Variants in NPAS3 observed in about 807,000 individuals in gnomAD.
NPAS3 encodes the protein neuronal PAS domain-containing protein 3.
In NPAS3, 14 loss-of-function variants were observed where a neutral mutation model predicts 73.1. The ratio of observed to expected loss-of-function variants is 0.19; its 90% CI spans 0.13 to 0.30. NPAS3 has a LOEUF of 0.30. Ranked by LOEUF, NPAS3 falls within the 10% of genes least tolerant of loss-of-function variation. The pLI, the probability that NPAS3 is intolerant of heterozygous loss-of-function variation, is 1.00. For synonymous variants in NPAS3, 620 were observed against 541.5 expected, an observed-to-expected ratio of 1.14 and a Z score of -2.01; for missense variants, 1,096 against 1,250.0, an observed-to-expected ratio of 0.88 and a Z score of 1.86.
intron 5 of NPAS3, among the ~76,000 whole-genome samples, chr14:33,620,441 C>G (rs1330796126): frequency 6.6e-6 from 1 of 152,004 alleles, no homozygotes; most frequent in African/African-American, 2.4e-5. Flanking sequence ...AAGAAAAACT[C>G]TTTATTTGAA....
At chr14:33,736,449 G>A (rs186499816) in intron 7 of NPAS3, among the ~76,000 whole-genome samples, 268 of 152,288 alleles carry the variant, frequency 1.8e-3, no homozygotes, top group African/African-American at 6.2e-3. Context: ...GCGATGCAGA[G>A]GAGAGGCAAG....
intron 4 of NPAS3, among the ~76,000 whole-genome samples, chr14:33,367,613 A>C (rs1291832448): frequency 6.6e-6 from 1 of 150,870 alleles, no homozygotes; most frequent in South Asian, 2.1e-4. Flanking sequence ...GGAGCTATAT[A>C]TTGTTTTTGG....
chr14:33,251,245 T>C (rs2048573393), intron 3 of NPAS3, among the ~76,000 whole-genome samples: 2 of 152,192 alleles, frequency 1.3e-5, no homozygotes, highest in Non-Finnish European at 2.9e-5. Context: ...TCTTTTCTTA[T>C]ACAGAACTTC....
chr14:33,800,616 G>A lies in NPAS3; in HGVS notation c.2309G>A (p.Gly770Asp). The change falls in exon 12 of 12, where the codon GGC becomes GAC. Residue 770 changes from glycine to aspartate, a missense_variant. Coordinates refer to ENST00000356141, the Ensembl canonical transcript of NPAS3. The surrounding 1 kb of genome is among the most constrained non-coding windows in gnomAD (Gnocchi z 6.5). ...AACGGCGGCGGGGGCGGGGGCGGGG[G>A]CGGCGGCGCGGGGGGCGGCGGCCCC... is the stretch of plus-strand genomic sequence containing the variant. 7 of 1,347,106 alleles carry A rather than the reference G, an allele frequency of 5.2e-6. No homozygotes were observed. Among genetic ancestry groups the A allele is most frequent in the Non-Finnish European group, 6.6e-6 (7 of 1,057,170 alleles). 83.4% of individuals were successfully genotyped at this position (1,347,106 alleles called of 1,614,324 possible). A position where few individuals can be genotyped will look rare whatever the true frequency, so the allele number is the denominator to read the frequency against.
At chr14:33,789,863 A>G (rs1340843965) in intron 9 of NPAS3, among the ~76,000 whole-genome samples, 1 of 152,098 alleles carries the variant, frequency 6.6e-6, no homozygotes. Context: ...TGCTGGGATT[A>G]CAGGCGTGAG....
At chr14:33,749,038 G>A (rs1002584594) in intron 7 of NPAS3, among the ~76,000 whole-genome samples, 1 of 152,182 alleles carries the variant, frequency 6.6e-6, no homozygotes, top group Admixed American at 6.5e-5. Context: ...GAAGGATTTT[G>A]TAATTTTTAG....
chr14:33,778,118 A>C (rs1283842448), intron 8 of NPAS3, among the ~76,000 whole-genome samples: 1 of 152,198 alleles, frequency 6.6e-6, no homozygotes, highest in Non-Finnish European at 1.5e-5. Context: ...TTTATTATGT[A>C]ACCTTGAATT....
chr14:33,101,981 A>C (rs2042590459), intron 2 of NPAS3, among the ~76,000 whole-genome samples: 1 of 151,684 alleles, frequency 6.6e-6, no homozygotes, highest in African/African-American at 2.4e-5. Context: ...TTTCTCTCAT[A>C]CTCATGTTGC....
intron 3 of NPAS3, among the ~76,000 whole-genome samples, chr14:33,245,483 G>T (rs1436040729): frequency 6.6e-6 from 1 of 152,114 alleles, no homozygotes; most frequent in Non-Finnish European, 1.5e-5. Flanking sequence ...GGTGCTTCCT[G>T]GTTCTGAAAT....
At chr14:33,215,564 G>A in intron 3 of NPAS3, 138 bp downstream of exon 3, 2 of 960,530 alleles carry the variant, frequency 2.1e-6, no homozygotes, top group Non-Finnish European at 3.4e-6. Flanking sequence ...TCTGAACTCT[G>A]CATGAGAAAG....
rs1467933720 is a variant in NPAS3 at position 33,246,496 on chromosome 14, C to T, written c.385+31070C>T. 2.1e-5 allele frequency among the ~76,000 whole-genome samples: 3 copies of T among 144,102 alleles called. 1 individual carries two copies. In the South Asian group the frequency reaches 6.6e-4, roughly 32 times the overall value. 94.5% of individuals were successfully genotyped at this position (144,102 alleles called of 152,430 possible). ...CGGAGCCTGCAGTGAGCCGAGATCG[C>T]GCCACTGCACTCCAGCCTGGGCAAC... is the stretch of plus-strand genomic sequence containing the variant. On this transcript the variant is annotated intron_variant, in intron 3 of 11. Coordinates refer to ENST00000356141, the Ensembl canonical transcript of NPAS3.
At chr14:33,393,386 TA>T (rs1310575871) in intron 4 of NPAS3, among the ~76,000 whole-genome samples, 1 of 152,202 alleles carries the variant, frequency 6.6e-6, no homozygotes, top group Non-Finnish European at 1.5e-5. Context: ...TGGTGTACAT[TA>T]GACAAGGAGA....
chr14:33,724,704 G>A (rs1023712500), intron 6 of NPAS3, among the ~76,000 whole-genome samples: 13 of 151,088 alleles, frequency 8.6e-5, no homozygotes, highest in African/African-American at 1.2e-4. Flanking sequence ...AGAGAACCCC[G>A]TAAATATCGT....
intron 3 of NPAS3, among the ~76,000 whole-genome samples, chr14:33,297,084 A>G (rs917187987): frequency 1.1e-4 from 16 of 152,216 alleles, no homozygotes; most frequent in Non-Finnish European, 2.4e-4. Flanking sequence ...CTTTGAATTT[A>G]CATAAACTGA....
intron 5 of NPAS3, among the ~76,000 whole-genome samples, chr14:33,650,718 C>G (rs1033411493): frequency 6.6e-6 from 1 of 151,510 alleles, no homozygotes; most frequent in Non-Finnish European, 1.5e-5. Context: ...CTTCTGGGGG[C>G]TCTAAGATGG....
chr14:33,215,457 A>T (rs769799382), intron 3 of NPAS3, 31 bp downstream of exon 3: 4 of 1,612,612 alleles, frequency 2.5e-6, no homozygotes, highest in Non-Finnish European at 3.4e-6. Flanking sequence ...CAGTCTGAAT[A>T]TGATGGTCTG....
intron 3 of NPAS3, among the ~76,000 whole-genome samples, chr14:33,328,392 G>A (rs1403131864): frequency 7.9e-6 from 1 of 126,954 alleles, no homozygotes; most frequent in Non-Finnish European, 1.7e-5. Context: ...TGTTTTTCCT[G>A]TTTTTTCTCT....
intron 4 of NPAS3, among the ~76,000 whole-genome samples, chr14:33,426,944 T>C (rs530680075): frequency 3.3e-5 from 5 of 152,132 alleles, no homozygotes; most frequent in Non-Finnish European, 7.4e-5. Flanking sequence ...GGCTTTCATT[T>C]GGCTTACCTT....
At chr14:33,071,639 C>CTGT (rs1170253532) in intron 2 of NPAS3, among the ~76,000 whole-genome samples, 2 of 152,142 alleles carry the variant, frequency 1.3e-5, no homozygotes, top group African/African-American at 2.4e-5. Flanking sequence ...GCAACATTTA[C>CTGT]TGTTTAGCAT....
Sources: allele counts gnomAD v4.1 joint callset (sites outside exome capture counted in the v4.1 genomes callset), GRCh38; gene constraint gnomAD v4.1.1; non-coding constraint Gnocchi (gnomAD v3.1); transcripts MANE v1.5; gene names NCBI Gene and HGNC (gene_info 2026-07-23, HGNC 2026-07-21).